The following PTPRO variants were observed in gnomAD, a reference collection of about 807,000 sequenced individuals.
PTPRO encodes the protein protein tyrosine phosphatase receptor type O, also known as receptor-type tyrosine-protein phosphatase O.
A neutral mutation model predicts 145.2 loss-of-function variants in PTPRO; 62 were observed. The ratio of observed to expected loss-of-function variants is 0.43; its 90% CI spans 0.35 to 0.53. PTPRO has a LOEUF of 0.53. Among genes scored for constraint, PTPRO ranks in the 20% least tolerant of loss-of-function variants. PTPRO has a pLI of 0.01. For synonymous variants in PTPRO, 565 were observed against 514.7 expected (o/e 1.10, Z -1.32); for missense variants, 1,345 against 1,482.7 (o/e 0.91, Z 1.53).
intron 12 of PTPRO, among the ~76,000 whole-genome samples, chr12:15,529,112 C>T (rs991309730): frequency 3.9e-5 from 6 of 152,186 alleles, no homozygotes; most frequent in Non-Finnish European, 8.8e-5. Context: ...CCAGGATATT[C>T]TGTTACTGTG....
intron 1 of PTPRO, among the ~76,000 whole-genome samples, chr12:15,360,831 TA>T (rs1938160710): frequency 1.1e-5 from 1 of 92,846 alleles, no homozygotes; most frequent in Non-Finnish European, 2.7e-5. Flanking sequence ...TGTGTGTGTA[TA>T]TATATACGTG....
intron 1 of PTPRO, among the ~76,000 whole-genome samples, chr12:15,483,739 A>T (rs1941828754): frequency 6.6e-6 from 1 of 152,128 alleles, no homozygotes; most frequent in Non-Finnish European, 1.5e-5. Context: ...CAGTGGAAAA[A>T]AATCCTCAAA....
chr12:15,550,859 T>A (rs1943438513), intron 14 of PTPRO, among the ~76,000 whole-genome samples: 1 of 152,140 alleles, frequency 6.6e-6, no homozygotes, highest in Non-Finnish European at 1.5e-5. Context: ...TGTTCTTCCG[T>A]GTAGTATGAA....
intron 18 of PTPRO, 77 bp from the exon 19 acceptor site, chr12:15,569,340 G>C: frequency 6.5e-6 from 8 of 1,235,158 alleles, no homozygotes; most frequent in Non-Finnish European, 9.4e-6. Context: ...AGATTAAGAA[G>C]TATGATATTA....
At chr12:15,368,657 G>A (rs952389660) in intron 1 of PTPRO, among the ~76,000 whole-genome samples, 1 of 152,170 alleles carries the variant, frequency 6.6e-6, no homozygotes, top group African/African-American at 2.4e-5. Context: ...GTTTATTCAT[G>A]AGCTCTGGAT....
intron 23 of PTPRO, 93 bp downstream of exon 23, chr12:15,581,894 G>A: frequency 1.3e-6 from 2 of 1,512,318 alleles, no homozygotes; most frequent in Non-Finnish European, 1.8e-6. Context: ...CGGCGCTAGA[G>A]GAATTACAGA....
At chr12:15,535,055 C>T (rs888445601) in intron 12 of PTPRO, among the ~76,000 whole-genome samples, 5 of 152,104 alleles carry the variant, frequency 3.3e-5, no homozygotes, top group African/African-American at 1.2e-4. Flanking sequence ...ATTAATGACT[C>T]CCAGGCTTCA....
intron 12 of PTPRO, among the ~76,000 whole-genome samples, chr12:15,540,268 T>C (rs894848379): frequency 5.3e-5 from 8 of 152,246 alleles, no homozygotes; most frequent in African/African-American, 1.7e-4. Flanking sequence ...CTGCTTAACA[T>C]AGAGTTGCTT....
intron 1 of PTPRO, among the ~76,000 whole-genome samples, chr12:15,344,299 A>G (rs1867118230): frequency 6.6e-6 from 1 of 152,208 alleles, no homozygotes; most frequent in East Asian, 1.9e-4. Context: ...TCTAAAATAC[A>G]TTTTTTAAGT....
intron 19 of PTPRO, among the ~76,000 whole-genome samples, chr12:15,574,620 C>T (rs974685775): frequency 3.9e-5 from 6 of 152,146 alleles, no homozygotes; most frequent in Admixed American, 6.5e-5. Context: ...CTTTCTTTCT[C>T]CTCACTTTTT....
At chr12:15,457,987 A>G (rs1052788530) in intron 1 of PTPRO, among the ~76,000 whole-genome samples, 3 of 152,148 alleles carry the variant, frequency 2.0e-5, no homozygotes, top group Non-Finnish European at 2.9e-5. Flanking sequence ...GTCATTTCAC[A>G]TCATTTTGTT....
intron 1 of PTPRO, among the ~76,000 whole-genome samples, chr12:15,389,531 A>G (rs949428848): frequency 6.6e-6 from 1 of 152,172 alleles, no homozygotes. Context: ...GGCTCAGTCT[A>G]TTAATAAAGA....
intron 12 of PTPRO, among the ~76,000 whole-genome samples, chr12:15,529,097 C>T (rs1942904614): frequency 6.6e-6 from 1 of 152,114 alleles, no homozygotes; most frequent in Non-Finnish European, 1.5e-5. Flanking sequence ...AATGCATGGA[C>T]CAACCCAGGA....
intron 22 of PTPRO, 129 bp from the exon 23 acceptor site, chr12:15,581,550 T>G: frequency 8.7e-7 from 1 of 1,144,000 alleles, no homozygotes; most frequent in Non-Finnish European, 1.3e-6. Flanking sequence ...ATGGTTTGCT[T>G]TATGTTTCAT....
intron 1 of PTPRO, among the ~76,000 whole-genome samples, chr12:15,358,863 A>G (rs1277915643): frequency 6.6e-6 from 1 of 152,244 alleles, no homozygotes; most frequent in Non-Finnish European, 1.5e-5. Flanking sequence ...AGTTTTAGTT[A>G]CATCTGCTAA....
At chr12:15,342,917 A>G (rs1867053191) in intron 1 of PTPRO, among the ~76,000 whole-genome samples, 1 of 152,218 alleles carries the variant, frequency 6.6e-6, no homozygotes, top group Non-Finnish European at 1.5e-5. Context: ...ATGTGTACCT[A>G]TTCAGGTATG....
At chr12:15,447,982 T>C (rs1038949498) in intron 1 of PTPRO, among the ~76,000 whole-genome samples, 2 of 152,156 alleles carry the variant, frequency 1.3e-5, no homozygotes, top group South Asian at 2.1e-4. Flanking sequence ...ACAAGTGAAA[T>C]TGCTTCTGTT....
chr12:15,485,924 A>C (rs112917452), intron 2 of PTPRO, among the ~76,000 whole-genome samples: 2,912 of 152,296 alleles, frequency 0.019, 50 homozygotes, highest in Non-Finnish European at 0.028. Flanking sequence ...TGTTGTGATC[A>C]GAGAACATAT....
chr12:15,459,624 G>T (rs1015224477), intron 1 of PTPRO, among the ~76,000 whole-genome samples: 2 of 152,178 alleles, frequency 1.3e-5, no homozygotes, highest in Non-Finnish European at 2.9e-5. Context: ...GTTGACCTGT[G>T]TATTGGTTGT....
Sources: allele counts gnomAD v4.1 joint callset (sites outside exome capture counted in the v4.1 genomes callset), GRCh38; gene constraint gnomAD v4.1.1; transcripts MANE v1.5; gene names NCBI Gene and HGNC (gene_info 2026-07-23, HGNC 2026-07-21).